Variants in RYK observed in about 807,000 individuals in gnomAD.
RYK encodes inactive tyrosine-protein kinase RYK.
In RYK, 21 loss-of-function variants were observed where a neutral mutation model predicts 70.2. The observed-to-expected ratio is 0.30, with a 90% CI of 0.21 to 0.43. The LOEUF is 0.43. Among genes scored for constraint, RYK ranks in the 20% least tolerant of loss-of-function variants. The pLI, the probability that RYK is intolerant of heterozygous loss-of-function variation, is 1.00. For synonymous variants in RYK, 267 were observed against 278.0 expected (o/e 0.96, Z 0.39); for missense variants, 604 against 753.3 (o/e 0.80, Z 2.32).
chr3:134,158,058 CT>C lies in RYK; in HGVS notation c.*94del, dbSNP rs2012312715. The stretch of plus-strand genomic sequence containing the variant: ...GGTGTTCTGGAAGACAAATGTGCTT[CT>C]GTTGGCGTTGTGTTAGATACAAAGC... On this transcript the variant is annotated 3_prime_UTR_variant, in exon 15 of 15. Coordinates refer to ENST00000623711, the MANE Select transcript of RYK (RefSeq NM_002958.4). The C allele has an allele frequency of 2.0e-6, 1 of 512,028 alleles. No individual in the cohort carries two copies. The highest frequency in any genetic ancestry group is 4.2e-5 in the Admixed American group (1 of 23,788). 31.7% of individuals were successfully genotyped at this position (512,028 alleles called of 1,614,324 possible).
intron 13 of RYK, among the ~76,000 whole-genome samples, chr3:134,171,391 T>C (rs1006762447): frequency 3.9e-5 from 6 of 152,238 alleles, no homozygotes; most frequent in African/African-American, 1.4e-4. Context: ...TCAACGCTCT[T>C]GGAGCATCTT....
At chr3:134,222,385 T>C in intron 2 of RYK, 33 bp downstream of exon 2, 1 of 1,611,518 alleles carries the variant, frequency 6.2e-7, no homozygotes, top group African/African-American at 1.3e-5. Flanking sequence ...TGGGTGACCC[T>C]GTCATGATGT....
chr3:134,162,297 C>T lies in RYK; in HGVS notation c.1576-2924G>A, dbSNP rs530784336. On this transcript the variant is annotated intron_variant, in intron 13 of 14. Transcript: ENST00000623711. ...TCAACCCATTACACACCCAACCCTA[C>T]GTAAACTTTCAGAACACAGAGGAAG... 8.6e-5 allele frequency among the ~76,000 whole-genome samples: 13 copies of T among 151,210 alleles called. No homozygotes were observed. The South Asian group carries it at 1.7e-3, about 19-fold the overall frequency.
chr3:134,173,186 C>A (rs1275003704), intron 13 of RYK, among the ~76,000 whole-genome samples: 1 of 151,776 alleles, frequency 6.6e-6, no homozygotes, highest in Non-Finnish European at 1.5e-5. Flanking sequence ...GAGGCTGAGG[C>A]AGGAGAATCG....
chr3:134,176,382 C>CT (rs1194683387), intron 11 of RYK, among the ~76,000 whole-genome samples: 1 of 152,126 alleles, frequency 6.6e-6, no homozygotes, highest in Non-Finnish European at 1.5e-5. Flanking sequence ...ATTCAGTAAT[C>CT]TTTTTTTCCC....
At chr3:134,248,073 T>A (rs986475707) in intron 1 of RYK, among the ~76,000 whole-genome samples, 3 of 152,108 alleles carry the variant, frequency 2.0e-5, no homozygotes, top group East Asian at 3.9e-4. Context: ...CTTCCCTACC[T>A]GGAGGAGCCA....
intron 1 of RYK, among the ~76,000 whole-genome samples, chr3:134,231,960 T>C (rs1162508224): frequency 6.6e-6 from 1 of 152,192 alleles, no homozygotes; most frequent in Non-Finnish European, 1.5e-5. Flanking sequence ...CCACTTTCAA[T>C]CTGCCCTTCA....
intron 6 of RYK, among the ~76,000 whole-genome samples, chr3:134,201,936 C>T (rs1481847218): frequency 6.6e-6 from 1 of 152,134 alleles, no homozygotes; most frequent in African/African-American, 2.4e-5. Context: ...CTGTACCTCT[C>T]ACCCTAACTT....
At chr3:134,216,998 T>C (rs906327112) in intron 2 of RYK, among the ~76,000 whole-genome samples, 8 of 152,114 alleles carry the variant, frequency 5.3e-5, no homozygotes, top group Non-Finnish European at 5.9e-5. Context: ...ATTAACACAA[T>C]GGTCTTTCCT....
intron 10 of RYK, chr3:134,178,840 T>G (rs1407029972): frequency 1.3e-5 from 2 of 152,226 alleles, no homozygotes; most frequent in East Asian, 3.8e-4. Context: ...TTCCCAAGGT[T>G]ATGTAACTTT....
intron 1 of RYK, among the ~76,000 whole-genome samples, chr3:134,245,617 T>A (rs1210041547): frequency 2.0e-5 from 3 of 151,944 alleles, no homozygotes; most frequent in Non-Finnish European, 4.4e-5. Context: ...GATCCCCAGT[T>A]CCAGCAGGAA....
intron 7 of RYK, among the ~76,000 whole-genome samples, chr3:134,194,340 T>C (rs568883178): frequency 7.9e-5 from 12 of 152,360 alleles, no homozygotes; most frequent in African/African-American, 2.9e-4. Context: ...TTTTAATTCA[T>C]TATAGTCATT....
intron 9 of RYK, among the ~76,000 whole-genome samples, chr3:134,184,581 C>G (rs1576509239): frequency 6.6e-6 from 1 of 152,068 alleles, no homozygotes; most frequent in Non-Finnish European, 1.5e-5. Flanking sequence ...AGCAATACAA[C>G]AAGACCCCAT....
At chr3:134,181,934 G>C (rs936542516) in intron 10 of RYK, among the ~76,000 whole-genome samples, 2 of 152,150 alleles carry the variant, frequency 1.3e-5, no homozygotes, top group Non-Finnish European at 2.9e-5. Context: ...GGGAGGCCGA[G>C]GTGGGCAGAT....
chr3:134,159,510 T>C (rs2012379154), intron 13 of RYK, 137 bp from the exon 14 acceptor site: 8 of 749,176 alleles, frequency 1.1e-5, no homozygotes, highest in Non-Finnish European at 1.7e-5. Context: ...TACAAAAAAA[T>C]GTCTATCATA....
At chr3:134,165,478 C>T (rs551601251) in intron 13 of RYK, among the ~76,000 whole-genome samples, 59 of 152,296 alleles carry the variant, frequency 3.9e-4, no homozygotes, top group Non-Finnish European at 7.1e-4. Flanking sequence ...AATATGTTAG[C>T]TATAGGTTTT....
chr3:134,243,192 T>TCCTTTG (rs1159749159), intron 1 of RYK, among the ~76,000 whole-genome samples: 3 of 152,102 alleles, frequency 2.0e-5, no homozygotes, highest in African/African-American at 7.2e-5. Context: ...AAGGAAAGGG[T>TCCTTTG]CCTTTGGTTC....
chr3:134,209,762 G>A lies in RYK; in HGVS notation c.522C>T (p.Asn174=). 6.6e-7 allele frequency: 1 copy of A among 1,510,250 alleles called. No homozygotes were observed. Among genetic ancestry groups the A allele is most frequent in the South Asian group, 1.3e-5 (1 of 74,380 alleles). 93.6% of individuals were successfully genotyped at this position (1,510,250 alleles called of 1,614,324 possible). Reference sequence around the variant, plus strand: ...AATTTTTTGAAGAATTTACTGTCAAGTTGAGCTGCATTAGTATCATAACTT... The same window carrying A: ...AATTTTTTGAAGAATTTACTGTCAAATTGAGCTGCATTAGTATCATAACTT... The part of the protein sequence containing the change: ...DSEVMILMQL[N]LTVNSSKNFT... Residue 174 remains asparagine (N), a synonymous_variant, in exon 4 of 15, where the codon AAC becomes AAT. Coordinates refer to ENST00000623711, the MANE Select transcript of RYK (RefSeq NM_002958.4).
chr3:134,177,223 A>C (rs1321684677), intron 11 of RYK, among the ~76,000 whole-genome samples: 1 of 152,192 alleles, frequency 6.6e-6, no homozygotes, highest in African/African-American at 2.4e-5. Flanking sequence ...CCACTTATTG[A>C]GAATCCCAGC....
Sources: gnomAD v4.1 joint callset for allele counts (sites outside exome capture counted in the v4.1 genomes callset) on GRCh38, gnomAD v4.1.1 for gene constraint, MANE v1.5 for transcripts, NCBI Gene and HGNC (gene_info 2026-07-23, HGNC 2026-07-21) for gene names.